The following TRABD variants were observed in gnomAD, a reference collection of about 807,000 sequenced individuals.
The protein encoded by TRABD is TraB domain containing.
Under a neutral mutation model 39.6 loss-of-function variants are expected in TRABD, and 23 were observed. The observed-to-expected ratio is 0.58, with a 90% CI of 0.42 to 0.82. The LOEUF (loss-of-function observed/expected upper bound fraction) is 0.82, where lower values mean the gene tolerates loss of function less well. Ranked by LOEUF, TRABD falls within the 40% of genes least tolerant of loss-of-function variation. The probability of loss-of-function intolerance (pLI) is 0.00; values close to 1 mark genes in which losing one functional copy is unlikely to be tolerated. For synonymous variants in TRABD, 243 were observed against 232.1 expected (o/e 1.05, Z -0.43); for missense variants, 487 against 544.9 (o/e 0.89, Z 1.06).
At chr22:50,191,184 G>A (rs976332479) in intron 1 of TRABD, among the ~76,000 whole-genome samples, 1 of 152,176 alleles carries the variant, frequency 6.6e-6, no homozygotes, top group African/African-American at 2.4e-5. Flanking sequence ...AGTCCCGGCT[G>A]TCCAAGAAGA....
At chr22:50,197,404 G>A (rs947462410) in intron 6 of TRABD, 45 bp from the exon 7 acceptor site, 1 of 1,612,420 alleles carries the variant, frequency 6.2e-7, no homozygotes. Flanking sequence ...TCACAGGGGT[G>A]GTCCGGGGTT....
At position 50,199,242 on chromosome 22, in the gene TRABD, C is replaced by T; in HGVS notation, c.*723C>T. The T allele has an allele frequency of 1.5e-6, 1 of 657,920 alleles. No homozygotes were observed. Among genetic ancestry groups the T allele is most frequent in the Non-Finnish European group, 2.8e-6 (1 of 355,224 alleles). 40.8% of individuals were successfully genotyped at this position (657,920 alleles called of 1,614,324 possible). A position where few individuals can be genotyped will look rare whatever the true frequency, so the allele number is the denominator to read the frequency against. On this transcript the variant is annotated 3_prime_UTR_variant, in exon 10 of 10. Transcript: ENST00000380909. Reference sequence around the variant, plus strand: ...ACATCAGCTCTGGGTCCAGGCGTGGCCTCAGCTGGGAGCCTGTGTCCTGAG... The same window carrying T: ...ACATCAGCTCTGGGTCCAGGCGTGGTCTCAGCTGGGAGCCTGTGTCCTGAG...
chr22:50,191,027 G>A (rs944643869), intron 1 of TRABD, among the ~76,000 whole-genome samples: 1 of 152,222 alleles, frequency 6.6e-6, no homozygotes, highest in African/African-American at 2.4e-5. Context: ...CCTGTGGAGC[G>A]GGCCCCCCTT....
chr22:50,199,407 G>C lies in TRABD; in HGVS notation c.*888G>C, dbSNP rs926732273. The C allele has an allele frequency of 8.5e-6, 3 of 351,528 alleles. No individual in the cohort carries two copies. Among genetic ancestry groups the C allele is most frequent in the East Asian group, 1.1e-4 (2 of 18,114 alleles). The allele number at this position is 351,528 out of a possible 1,614,324, so 21.8% of individuals were successfully genotyped here. Reference sequence around the variant, plus strand: ...CCCTGCCCGGCGGCCGTCTGTGTGCGGGGCCTCCCTCCTGGCTGTCCAGGA... The same window carrying C: ...CCCTGCCCGGCGGCCGTCTGTGTGCCGGGCCTCCCTCCTGGCTGTCCAGGA... On this transcript the variant is annotated 3_prime_UTR_variant, in exon 10 of 10. Coordinates refer to ENST00000380909, the MANE Select transcript of TRABD (RefSeq NM_001320485.2).
chr22:50,196,056 C>G (rs1244914429), intron 5 of TRABD, among the ~76,000 whole-genome samples: 1 of 152,190 alleles, frequency 6.6e-6, no homozygotes, highest in Non-Finnish European at 1.5e-5. Context: ...TTCGGCAGTG[C>G]CGTGCTGCTC....
In TRABD at chr22:50,198,449, C is replaced by G. The variant is rs374252679; in HGVS notation, c.1061C>G (p.Ala354Gly). The stretch of plus-strand genomic sequence containing the variant: ...CTGTACTGGATGGGCCGCCGCACCG[C>G]GAGCCTGGTCCTGTCGCTGCCCGCC... ...YSLYWMGRRT[A>G]SLVLSLPAAQ... is the part of the protein sequence containing the mutation. Residue 354 changes from alanine to glycine, a missense_variant, in exon 10 of 10, where the codon GCG becomes GGG. Transcript: ENST00000380909. The surrounding 1 kb of genome is among the most constrained non-coding windows in gnomAD (Gnocchi z 7.9). 1 of 1,594,830 alleles carries G rather than the reference C, an allele frequency of 6.3e-7. No individual in the cohort carries two copies. The highest frequency in any genetic ancestry group is 8.5e-7 in the Non-Finnish European group (1 of 1,176,484).
At chr22:50,188,342 A>G (rs578256542) in intron 1 of TRABD, among the ~76,000 whole-genome samples, 1 of 152,182 alleles carries the variant, frequency 6.6e-6, no homozygotes, top group Non-Finnish European at 1.5e-5. Context: ...TCCAGACCTC[A>G]GACAATTCTC....
At position 50,198,234 on chromosome 22, in the gene TRABD, T is replaced by A; in HGVS notation, c.956+48T>A. 6.7e-7 allele frequency: 1 copy of A among 1,488,690 alleles called. No individual in the cohort carries two copies. The highest frequency in any genetic ancestry group is 2.7e-5 in the East Asian group (1 of 37,208). 92.2% of individuals were successfully genotyped at this position (1,488,690 alleles called of 1,614,324 possible). ...AAGCCCCACCCCACAAGCCCCCAGG[T>A]GGAGGCTGAGCGCCCTGGAGGCCAA... On this transcript the variant is annotated intron_variant, in intron 9 of 9. Coordinates refer to ENST00000380909, the MANE Select transcript of TRABD (RefSeq NM_001320485.2). This position sits in a 1 kb window ranked among gnomAD's most constrained non-coding sequence, Gnocchi z 7.9.
At chr22:50,197,765 C>CCCCCCCCCCCCCCCCCAGG in intron 7 of TRABD, 58 bp from the exon 8 acceptor site, 4 of 754,056 alleles carry the variant, frequency 5.3e-6, no homozygotes, top group African/African-American at 1.8e-5. Context: ...ACAGTGCCAG[C>CCCCCCCCCCCCCCCCCAGG]CCCACCCCCC....
At chr22:50,193,520 G>C in intron 2 of TRABD, 56 bp from the exon 3 acceptor site, 1 of 1,548,194 alleles carries the variant, frequency 6.5e-7, no homozygotes, top group Non-Finnish European at 8.9e-7. Context: ...TTGCCACGGA[G>C]CCCTGGCTTT....
chr22:50,197,776 C>CCCCCCGGGGGCCG, intron 7 of TRABD, 47 bp from the exon 8 acceptor site: 1 of 1,439,454 alleles, frequency 6.9e-7, no homozygotes, highest in African/African-American at 1.4e-5. Context: ...CCCACCCCCC[C>CCCCCCGGGGGCCG]AGCCCGTTGC....
At chr22:50,187,106 A>G (rs1315606641) in intron 1 of TRABD, among the ~76,000 whole-genome samples, 1 of 151,982 alleles carries the variant, frequency 6.6e-6, no homozygotes, top group African/African-American at 2.4e-5. Flanking sequence ...GATGCTGGCC[A>G]GCCTCGCCGG....
chr22:50,189,423 G>C (rs1026814635), intron 1 of TRABD, among the ~76,000 whole-genome samples: 2 of 152,258 alleles, frequency 1.3e-5, no homozygotes, highest in Non-Finnish European at 2.9e-5. Context: ...CTCGGTGGAC[G>C]TCCGTGCGGG....
chr22:50,197,191 G>GCGGGGGGGCCC, intron 5 of TRABD, 50 bp from the exon 6 acceptor site: 1 of 1,553,434 alleles, frequency 6.4e-7, no homozygotes, highest in African/African-American at 1.4e-5. Flanking sequence ...TTCCCCCAGC[G>GCGGGGGGGCCC]CACCCCCGCA....
chr22:50,195,069 C>A, intron 5 of TRABD, 29 bp downstream of exon 5: 2 of 1,540,776 alleles, frequency 1.3e-6, no homozygotes, highest in South Asian at 2.4e-5. Flanking sequence ...GGGTCAGGGT[C>A]AGGGTCGGGG....
At chr22:50,189,286 C>T (rs1457836543) in intron 1 of TRABD, among the ~76,000 whole-genome samples, 4 of 152,232 alleles carry the variant, frequency 2.6e-5, no homozygotes, top group African/African-American at 7.2e-5. Flanking sequence ...CCTTAAACGG[C>T]GGCTCCTGCC....
chr22:50,198,187 G>A lies in TRABD; in HGVS notation c.956+1G>A. 3.7e-6 allele frequency: 6 copies of A among 1,604,238 alleles called. No individual in the cohort carries two copies. The highest frequency in any genetic ancestry group is 5.1e-6 in the Non-Finnish European group (6 of 1,176,004). On this transcript the variant is annotated splice_donor_variant, in intron 9 of 9. Transcript: ENST00000380909. LOFTEE classifies it high-confidence loss of function. This position sits in a 1 kb window ranked among gnomAD's most constrained non-coding sequence, Gnocchi z 7.9. ...ACCTCAACATCCAGGAGATCATGAC[G>A]TGAGTGCCCGCCCCTCCCTGCAAGC...
At chr22:50,187,626 A>C (rs1015914617) in intron 1 of TRABD, among the ~76,000 whole-genome samples, 6 of 152,198 alleles carry the variant, frequency 3.9e-5, no homozygotes, top group African/African-American at 1.4e-4. Context: ...GAAGGGGATA[A>C]GATGGGTGTC....
At position 50,198,936 on chromosome 22, in the gene TRABD, G is replaced by T; in HGVS notation, c.*417G>T. ...AGCGTCGGCCCAGGGGCGGCTCCTG[G>T]GGGCTCCAGGGCAGGCGAGACTGGG... is the stretch of plus-strand genomic sequence containing the variant. On this transcript the variant is annotated 3_prime_UTR_variant, in exon 10 of 10. Coordinates refer to ENST00000380909, the MANE Select transcript of TRABD (RefSeq NM_001320485.2). The surrounding 1 kb of genome is among the most constrained non-coding windows in gnomAD (Gnocchi z 7.9). The T allele has an allele frequency of 1.7e-6, 1 of 594,510 alleles. No homozygotes were observed. Among genetic ancestry groups the T allele is most frequent in the Non-Finnish European group, 3.1e-6 (1 of 326,116 alleles). 36.8% of individuals were successfully genotyped at this position (594,510 alleles called of 1,614,324 possible). A position where few individuals can be genotyped will look rare whatever the true frequency, so the allele number is the denominator to read the frequency against.
Sources: allele counts gnomAD v4.1 joint callset (sites outside exome capture counted in the v4.1 genomes callset), GRCh38; gene constraint gnomAD v4.1.1; non-coding constraint Gnocchi (gnomAD v3.1); transcripts MANE v1.5; gene names NCBI Gene and HGNC (gene_info 2026-07-23, HGNC 2026-07-21).